Variants in KSR2 observed in about 807,000 individuals in gnomAD.
KSR2 encodes the protein kinase suppressor of ras 2.
KSR2 carries 25 observed loss-of-function variants against 107.8 expected under a neutral mutation model. The observed-to-expected ratio is 0.23, with a 90% CI of 0.17 to 0.32. The LOEUF (loss-of-function observed/expected upper bound fraction) is 0.32. Among genes scored for constraint, KSR2 ranks in the 10% least tolerant of loss-of-function variants. The pLI, the probability that KSR2 is intolerant of heterozygous loss-of-function variation, is 1.00. For missense variants in KSR2, 887 were observed against 1,268.9 expected (o/e 0.70, Z 4.57); for synonymous variants, 480 against 507.0 (o/e 0.95, Z 0.71).
At chr12:117,559,320 A>G (rs1047789790) in intron 7 of KSR2, among the ~76,000 whole-genome samples, 26 of 152,146 alleles carry the variant, frequency 1.7e-4, no homozygotes, top group African/African-American at 6.0e-4. Context: ...GCCCACACGG[A>G]CTTCACGTTT....
chr12:117,645,603 G>A (rs1045832796), intron 5 of KSR2, among the ~76,000 whole-genome samples: 8 of 152,134 alleles, frequency 5.3e-5, no homozygotes, highest in African/African-American at 1.9e-4. Flanking sequence ...TGTTCCTTGG[G>A]CAAACCTCAA....
At chr12:117,767,784 CAAAAAA>C (rs35307926) in intron 3 of KSR2, among the ~76,000 whole-genome samples, 1 of 85,788 alleles carries the variant, frequency 1.2e-5, no homozygotes, top group African/African-American at 4.3e-5. Flanking sequence ...GACTCCGTCT[CAAAAAA>C]AAAAAAAAAA....
intron 7 of KSR2, among the ~76,000 whole-genome samples, chr12:117,567,446 G>A (rs11831678): frequency 0.16 from 23,617 of 152,006 alleles, 2,554 homozygotes; most frequent in African/African-American, 0.3. Flanking sequence ...GCGCGGTCTC[G>A]TCATGAAGTT....
intron 1 of KSR2, among the ~76,000 whole-genome samples, chr12:117,889,293 G>A (rs535249324): frequency 3.9e-5 from 6 of 152,286 alleles, no homozygotes; most frequent in Admixed American, 6.5e-5. Context: ...GCGAGCAGCC[G>A]GGTGTGGAGG....
chr12:117,659,242 T>G (rs1486046614), intron 5 of KSR2, among the ~76,000 whole-genome samples: 1 of 152,130 alleles, frequency 6.6e-6, no homozygotes, highest in East Asian at 1.9e-4. Context: ...CTACCAATTT[T>G]GGTCACCACA....
intron 5 of KSR2, among the ~76,000 whole-genome samples, chr12:117,633,472 T>G (rs372356047): frequency 6.6e-6 from 1 of 152,184 alleles, no homozygotes; most frequent in East Asian, 1.9e-4. Flanking sequence ...CCGTGTGCCT[T>G]AAAACAACAG....
chr12:117,744,123 G>A (rs771329411), intron 4 of KSR2, among the ~76,000 whole-genome samples: 23 of 152,248 alleles, frequency 1.5e-4, no homozygotes, highest in East Asian at 3.9e-4. Context: ...ATGGCATAGC[G>A]GAAAGACCTC....
intron 1 of KSR2, among the ~76,000 whole-genome samples, chr12:117,917,765 T>C (rs1432795586): frequency 2.0e-5 from 3 of 152,164 alleles, no homozygotes; most frequent in Non-Finnish European, 4.4e-5. Context: ...GAAGCCTTAC[T>C]GTACATGGCC....
intron 16 of KSR2, among the ~76,000 whole-genome samples, 187 bp downstream of exon 16, chr12:117,484,229 G>T (rs1234582975): frequency 6.6e-6 from 1 of 152,156 alleles, no homozygotes; most frequent in Non-Finnish European, 1.5e-5. Context: ...TGAGCAAGGT[G>T]CTGGCCCCCC....
intron 1 of KSR2, among the ~76,000 whole-genome samples, chr12:117,886,667 C>T (rs907362869): frequency 3.3e-5 from 5 of 152,120 alleles, no homozygotes; most frequent in African/African-American, 9.7e-5. Context: ...CATTTAGCGA[C>T]ATATGACAGT....
chr12:117,799,132 T>G (rs1246654718), intron 3 of KSR2, among the ~76,000 whole-genome samples: 2 of 152,246 alleles, frequency 1.3e-5, no homozygotes, highest in African/African-American at 2.4e-5. Flanking sequence ...GTGATGAATA[T>G]GTATTGGAAA....
rs181227033 is a variant in KSR2, at chr12:117,643,390, T to A, written c.1171+24084A>T. On this transcript the variant is annotated intron_variant, in intron 5 of 19. Coordinates refer to ENST00000339824, the MANE Select transcript of KSR2 (RefSeq NM_173598.6). ...TGAATCTGGGAAGCGGAGGCTGCAG[T>A]GAGCCAAGATTGTGCCACTGCACTC... 6.3e-4 allele frequency among the ~76,000 whole-genome samples: 96 copies of A among 152,286 alleles called. 1 individual carries two copies. In the East Asian group the frequency reaches 0.018, roughly 29 times the overall value.
intron 4 of KSR2, among the ~76,000 whole-genome samples, chr12:117,688,288 G>A (rs899772028): frequency 2.0e-5 from 3 of 152,222 alleles, no homozygotes; most frequent in African/African-American, 7.2e-5. Context: ...GCTGAGGCGG[G>A]AGAATCGCTT....
intron 1 of KSR2, among the ~76,000 whole-genome samples, chr12:117,964,200 C>G (rs1896733239): frequency 6.6e-6 from 1 of 152,066 alleles, no homozygotes; most frequent in African/African-American, 2.4e-5. Context: ...ATCACTGGAA[C>G]CCAGGAGGCA....
At chr12:117,760,838 C>T (rs1888975870) in intron 4 of KSR2, among the ~76,000 whole-genome samples, 173 bp downstream of exon 4, 1 of 152,220 alleles carries the variant, frequency 6.6e-6, no homozygotes, top group Non-Finnish European at 1.5e-5. Context: ...CTGGGAAATT[C>T]TGTTCTATTC....
intron 5 of KSR2, among the ~76,000 whole-genome samples, chr12:117,592,038 A>C (rs930774966): frequency 1.3e-5 from 2 of 152,058 alleles, no homozygotes; most frequent in Admixed American, 1.3e-4. Flanking sequence ...TAAACTAGAA[A>C]AACCTTCAGG....
At chr12:117,849,455 G>C (rs1392854700) in intron 3 of KSR2, among the ~76,000 whole-genome samples, 3 of 152,178 alleles carry the variant, frequency 2.0e-5, no homozygotes, top group Admixed American at 2.0e-4. Flanking sequence ...TAGCTGCCAC[G>C]AGAAGGAAAG....
chr12:117,581,896 C>CCTGTGCTAAGCG (rs58921759), intron 6 of KSR2, among the ~76,000 whole-genome samples: 1 of 151,990 alleles, frequency 6.6e-6, no homozygotes, highest in African/African-American at 2.4e-5. Flanking sequence ...TGTGCCAGGC[C>CCTGTGCTAAGCG]CTTTACAAAT....
intron 1 of KSR2, among the ~76,000 whole-genome samples, chr12:117,882,011 T>C (rs865967800): frequency 6.6e-6 from 1 of 152,142 alleles, no homozygotes; most frequent in Non-Finnish European, 1.5e-5. Context: ...AGGATATACA[T>C]TTCCCTGAAA....
Sources: allele counts gnomAD v4.1 joint callset (sites outside exome capture counted in the v4.1 genomes callset), GRCh38; gene constraint gnomAD v4.1.1; transcripts MANE v1.5; gene names NCBI Gene and HGNC (gene_info 2026-07-23, HGNC 2026-07-21).